The following PTGFRN variants were observed in gnomAD, a reference collection of about 807,000 sequenced individuals.
The protein encoded by PTGFRN is prostaglandin F2 receptor inhibitor.
Under a neutral mutation model 83.2 loss-of-function variants are expected in PTGFRN, and 35 were observed. That is an observed-to-expected ratio of 0.42 (90% CI 0.32 to 0.56). The LOEUF is 0.56. PTGFRN is among the 20% of genes least tolerant of loss of function. PTGFRN has a pLI of 0.11. For synonymous variants in PTGFRN, 519 were observed against 498.6 expected (o/e 1.04, Z -0.55); for missense variants, 1,051 against 1,179.5 (o/e 0.89, Z 1.60).
chr1:116,960,455 C>G (rs1323022474), intron 4 of PTGFRN, among the ~76,000 whole-genome samples: 3 of 152,108 alleles, frequency 2.0e-5, no homozygotes, highest in Non-Finnish European at 2.9e-5. Context: ...GGGTTTTTCT[C>G]CCAGTGGAAA....
chr1:116,924,158 T>C (rs1274352022), intron 1 of PTGFRN, among the ~76,000 whole-genome samples: 1 of 149,722 alleles, frequency 6.7e-6, no homozygotes, highest in African/African-American at 2.5e-5. Flanking sequence ...TTTTTTTTTT[T>C]TTTTTTTGAG....
chr1:116,921,439 A>G (rs1281387889), intron 1 of PTGFRN, among the ~76,000 whole-genome samples: 1 of 152,226 alleles, frequency 6.6e-6, no homozygotes, highest in South Asian at 2.1e-4. Context: ...ATTACAGTCC[A>G]TCATCTTTGA....
intron 7 of PTGFRN, among the ~76,000 whole-genome samples, chr1:116,975,439 C>G (rs1651117282): frequency 6.6e-6 from 1 of 152,252 alleles, no homozygotes; most frequent in Non-Finnish European, 1.5e-5. Flanking sequence ...AAGTGGGTCC[C>G]TGACCCCCGA....
intron 3 of PTGFRN, among the ~76,000 whole-genome samples, chr1:116,946,872 C>A (rs557794122): frequency 6.6e-6 from 1 of 152,288 alleles, no homozygotes; most frequent in South Asian, 2.1e-4. Flanking sequence ...AAGATAGTGG[C>A]AGGCTTAACA....
chr1:116,977,131 A>T (rs1188452328), intron 7 of PTGFRN, among the ~76,000 whole-genome samples: 1 of 152,244 alleles, frequency 6.6e-6, no homozygotes, highest in Non-Finnish European at 1.5e-5. Flanking sequence ...AAAGAAGGCC[A>T]TTACATAATG....
rs1175358384 is a variant in PTGFRN, at chr1:116,928,571, C to T, written c.50-13144C>T. Reference sequence around the variant, plus strand: ...TGTAAGCCTGAACTTTATTATCTTGCTGGGGAAAATCTCAAAGTCTGCCCA... The same window carrying T: ...TGTAAGCCTGAACTTTATTATCTTGTTGGGGAAAATCTCAAAGTCTGCCCA... On this transcript the variant is annotated intron_variant, in intron 1 of 8. Transcript: ENST00000393203. Among the ~76,000 whole-genome samples the T allele has an allele frequency of 3.9e-5, 6 of 152,274 alleles. No individual in the cohort carries two copies. The East Asian group carries it at 1.2e-3, about 29-fold the overall frequency.
chr1:116,963,121 G>C (rs1048427132), intron 5 of PTGFRN, among the ~76,000 whole-genome samples: 8 of 152,150 alleles, frequency 5.3e-5, no homozygotes, highest in Non-Finnish European at 1.2e-4. Flanking sequence ...CCCTACCTGT[G>C]CCCACAGAGC....
In PTGFRN at chr1:116,923,484, T is replaced by C. The variant is rs150554303; in HGVS notation, c.49+13232T>C. On this transcript the variant is annotated intron_variant, in intron 1 of 8. Transcript: ENST00000393203. This position sits in a 1 kb window ranked among gnomAD's most constrained non-coding sequence, Gnocchi z 4.0. ...CTTCCTGTGGATTTTCTCGTTTTTT[T>C]CCTTGGCAGCTTGGGTGGAAGACAG... 4.9e-3 allele frequency among the ~76,000 whole-genome samples: 748 copies of C among 152,308 alleles called. 10 individuals are homozygous for C. Among genetic ancestry groups the C allele is most frequent in the African/African-American group, 0.016 (681 of 41,554 alleles).
chr1:116,930,447 C>A (rs1462579709), intron 1 of PTGFRN, among the ~76,000 whole-genome samples: 1 of 152,178 alleles, frequency 6.6e-6, no homozygotes, highest in African/African-American at 2.4e-5. Flanking sequence ...TTCCTTTTTA[C>A]CCCCCACTCC....
Position 116,941,951 on chromosome 1 carries a change from C to A in PTGFRN, c.286C>A (p.Arg96=). ...RLQRGEILLR[R]TANDAVELHI... ...GCAGAGGGGCGAGATCCTGTTAAGGCGGACTGCCAACGACGCCGTGGAGCT... is the reference window on the plus strand; with the variant it reads ...GCAGAGGGGCGAGATCCTGTTAAGGAGGACTGCCAACGACGCCGTGGAGCT... The change falls in exon 2 of 9, where the codon CGG becomes AGG. Residue 96 remains arginine, a synonymous_variant. Transcript: ENST00000393203. This position sits in a 1 kb window ranked among gnomAD's most constrained non-coding sequence, Gnocchi z 5.0. 2 of 1,614,192 alleles carry A rather than the reference C, an allele frequency of 1.2e-6. No individual in the cohort carries two copies.
Position 116,961,582 on chromosome 1 carries a change from C to T in PTGFRN, c.1553C>T (p.Ser518Phe). ...EDRGNYYCVV[S>F]AWTKQRNNSW... ...AGAGGCAATTATTACTGTGTTGTGTCTGCCTGGACCAAACAGCGGAACAAC... is the reference window on the plus strand; with the variant it reads ...AGAGGCAATTATTACTGTGTTGTGTTTGCCTGGACCAAACAGCGGAACAAC... Residue 518 changes from serine (S) to phenylalanine (F), a missense_variant, in exon 5 of 9, where the codon TCT becomes TTT. Physicochemically the swap from Ser to Phe is radical, Grantham distance 155 (BLOSUM62 -2). Coordinates refer to ENST00000393203, the MANE Select transcript of PTGFRN (RefSeq NM_020440.4). The surrounding 1 kb of genome is among the most constrained non-coding windows in gnomAD (Gnocchi z 5.4). 6.2e-7 allele frequency: 1 copy of T among 1,614,198 alleles called. No homozygotes were observed. The highest frequency in any genetic ancestry group is 1.6e-4 in the Middle Eastern group (1 of 6,062).
rs1030691989 is a variant in PTGFRN, at chr1:116,949,033, T to G, written c.833-159T>G. 2.6e-5 allele frequency among the ~76,000 whole-genome samples: 4 copies of G among 152,252 alleles called. No individual in the cohort carries two copies. The South Asian group carries it at 6.2e-4, about 24-fold the overall frequency. ...AAGAAATGTGGTATGTTCTGTTAAT[T>G]TATTCATTAAATATTTCTCAAGCAC... On this transcript the variant is annotated intron_variant, in intron 3 of 8. Coordinates refer to ENST00000393203, the MANE Select transcript of PTGFRN (RefSeq NM_020440.4).
At position 116,958,126 on chromosome 1, in the gene PTGFRN, G is replaced by C. The variant is rs557811221; in HGVS notation, c.1214-3117G>C. 1.3e-5 allele frequency among the ~76,000 whole-genome samples: 2 copies of C among 152,246 alleles called. No homozygotes were observed. The highest frequency in any genetic ancestry group is 3.9e-4 in the East Asian group (2 of 5,176). The stretch of plus-strand genomic sequence containing the variant: ...ACAGCCTTTGAAAAGGTGCCACTCT[G>C]AAAGAATCTGCACGGGGGTGGAAGT... On this transcript the variant is annotated intron_variant, in intron 4 of 8. Transcript: ENST00000393203. This position sits in a 1 kb window ranked among gnomAD's most constrained non-coding sequence, Gnocchi z 4.9.
intron 2 of PTGFRN, among the ~76,000 whole-genome samples, chr1:116,943,881 T>C (rs1242524258): frequency 6.6e-6 from 1 of 152,206 alleles, no homozygotes; most frequent in Non-Finnish European, 1.5e-5. Context: ...AGGGTCCTCT[T>C]AGCCAGCTCA....
intron 7 of PTGFRN, among the ~76,000 whole-genome samples, chr1:116,975,567 A>G (rs545983564): frequency 1.3e-5 from 2 of 152,226 alleles, no homozygotes; most frequent in Non-Finnish European, 2.9e-5. Flanking sequence ...CTGTTCAGCA[A>G]TATTCGCTGT....
chr1:116,932,322 C>T (rs951401783), intron 1 of PTGFRN, among the ~76,000 whole-genome samples: 16 of 152,144 alleles, frequency 1.1e-4, no homozygotes, highest in Admixed American at 9.8e-4. Flanking sequence ...CCTTTTTCTA[C>T]CTGTCCCCAT....
rs1046613767 is a variant in PTGFRN at position 116,918,022 on chromosome 1, T to A, written c.49+7770T>A. Among the ~76,000 whole-genome samples, 1 of 152,230 alleles carries A rather than the reference T, an allele frequency of 6.6e-6. No homozygotes were observed. Among genetic ancestry groups the A allele is most frequent in the Non-Finnish European group, 1.5e-5 (1 of 68,044 alleles). On this transcript the variant is annotated intron_variant, in intron 1 of 8. Coordinates refer to ENST00000393203, the MANE Select transcript of PTGFRN (RefSeq NM_020440.4). The surrounding 1 kb of genome is among the most constrained non-coding windows in gnomAD (Gnocchi z 4.1). ...AACTTACTCTCTGATAGCTTTTAGG[T>A]CTTTGGCTGTTAGGCAGAATCTCTA...
At chr1:116,976,624 AG>A (rs1651163445) in intron 7 of PTGFRN, among the ~76,000 whole-genome samples, 1 of 152,208 alleles carries the variant, frequency 6.6e-6, no homozygotes, top group Non-Finnish European at 1.5e-5. Flanking sequence ...AGCCAAACTA[AG>A]CTTCAGAAGT....
chr1:116,963,396 C>G (rs762287538), intron 5 of PTGFRN, among the ~76,000 whole-genome samples: 4 of 152,228 alleles, frequency 2.6e-5, no homozygotes, highest in Non-Finnish European at 5.9e-5. Context: ...TTCACGCTGC[C>G]CCAGGGCTGA....
Sources: gnomAD v4.1 joint callset for allele counts (sites outside exome capture counted in the v4.1 genomes callset) on GRCh38, gnomAD v4.1.1 for gene constraint, Gnocchi (gnomAD v3.1) non-coding constraint, MANE v1.5 for transcripts, NCBI Gene and HGNC (gene_info 2026-07-23, HGNC 2026-07-21) for gene names.